The following CCDC178 variants were observed in gnomAD, a reference collection of about 807,000 sequenced individuals.
CCDC178 encodes coiled-coil domain-containing protein 178.
A neutral mutation model predicts 117.4 loss-of-function variants in CCDC178; 126 were observed. The ratio of observed to expected loss-of-function variants is 1.07; its 90% CI spans 0.93 to 1.24. CCDC178 has a LOEUF of 1.24. Ranked by LOEUF, CCDC178 falls within the 50% of genes most tolerant of loss-of-function variation. The pLI, the probability that CCDC178 is intolerant of heterozygous loss-of-function variation, is 0.00. For missense variants in CCDC178, 1,030 were observed against 986.9 expected (o/e 1.04, Z -0.59); for synonymous variants, 283 against 313.4 (o/e 0.90, Z 1.02).
intron 21 of CCDC178, among the ~76,000 whole-genome samples, chr18:33,044,517 A>G (rs1256949437): frequency 2.6e-5 from 4 of 151,180 alleles, no homozygotes; most frequent in African/African-American, 9.8e-5. Flanking sequence ...AAAAACAAAC[A>G]AACAAAAAAA....
At chr18:33,182,133 G>T (rs2058739212) in intron 20 of CCDC178, among the ~76,000 whole-genome samples, 1 of 151,766 alleles carries the variant, frequency 6.6e-6, no homozygotes, top group Non-Finnish European at 1.5e-5. Context: ...GTTTTATCAT[G>T]GAATATATCA....
intron 21 of CCDC178, among the ~76,000 whole-genome samples, chr18:33,077,644 A>G (rs2057232716): frequency 6.6e-6 from 1 of 152,220 alleles, no homozygotes; most frequent in Non-Finnish European, 1.5e-5. Context: ...AGAAACTACT[A>G]CAAATACCTC....
In CCDC178 at chr18:33,199,648, T is replaced by C. The variant is rs922491678; in HGVS notation, c.2238+12248A>G. 2.6e-5 allele frequency among the ~76,000 whole-genome samples: 4 copies of C among 152,318 alleles called. No homozygotes were observed. The South Asian group carries it at 8.3e-4, about 32-fold the overall frequency. ...TTTTAATTACAACCTCTGAGTCTTT[T>C]GTTGCCGCTATTCTTACTCCCTTTT... On this transcript the variant is annotated intron_variant, in intron 20 of 22. Coordinates refer to ENST00000383096, the MANE Select transcript of CCDC178 (RefSeq NM_001105528.4).
chr18:33,128,667 T>G (rs1214041320), intron 20 of CCDC178, among the ~76,000 whole-genome samples: 1 of 152,206 alleles, frequency 6.6e-6, no homozygotes, highest in Non-Finnish European at 1.5e-5. Context: ...GAGATGTCCA[T>G]GACTGTGATT....
intron 20 of CCDC178, among the ~76,000 whole-genome samples, chr18:33,120,920 G>A (rs375619059): frequency 6.6e-6 from 1 of 152,092 alleles, no homozygotes; most frequent in African/African-American, 2.4e-5. Flanking sequence ...GTTTTTGGTT[G>A]TATGTAGAAT....
At chr18:33,433,105 T>C (rs1276019478) in intron 2 of CCDC178, among the ~76,000 whole-genome samples, 3 of 152,104 alleles carry the variant, frequency 2.0e-5, no homozygotes, top group Non-Finnish European at 4.4e-5. Flanking sequence ...CCTTGTAGGG[T>C]TTAAAGTTTG....
intron 22 of CCDC178, among the ~76,000 whole-genome samples, chr18:32,964,284 T>C (rs1185544954): frequency 6.6e-6 from 1 of 152,016 alleles, no homozygotes; most frequent in African/African-American, 2.4e-5. Flanking sequence ...TTTGTTTTCT[T>C]TTTTTTGTTT....
chr18:33,049,959 T>C (rs945901062), intron 21 of CCDC178, among the ~76,000 whole-genome samples: 1 of 152,006 alleles, frequency 6.6e-6, no homozygotes, highest in Non-Finnish European at 1.5e-5. Context: ...CAGGCGCCTG[T>C]AATCCCAGCT....
At chr18:33,073,601 G>T (rs2057152631) in intron 21 of CCDC178, among the ~76,000 whole-genome samples, 2 of 151,114 alleles carry the variant, frequency 1.3e-5, no homozygotes, top group Admixed American at 1.3e-4. Context: ...TAAATTTCTA[G>T]ATGTAGGAAT....
At chr18:33,402,312 T>C (rs2144865178) in intron 3 of CCDC178, among the ~76,000 whole-genome samples, 1 of 152,346 alleles carries the variant, frequency 6.6e-6, no homozygotes, top group East Asian at 1.9e-4. Context: ...TGTGAACAAC[T>C]ATTCAAGAAA....
intron 6 of CCDC178, among the ~76,000 whole-genome samples, chr18:33,365,367 C>T (rs867805685): frequency 1.1e-4 from 16 of 152,148 alleles, no homozygotes; most frequent in Middle Eastern, 3.4e-3. Flanking sequence ...GTCAAGGACA[C>T]GATGTCATGG....
At chr18:33,038,913 A>G (rs945108804) in intron 21 of CCDC178, among the ~76,000 whole-genome samples, 2 of 152,050 alleles carry the variant, frequency 1.3e-5, no homozygotes, top group African/African-American at 2.4e-5. Flanking sequence ...CAATGTTCTC[A>G]CAATCAAGAA....
intron 21 of CCDC178, among the ~76,000 whole-genome samples, chr18:33,026,353 G>C (rs1050149953): frequency 1.3e-5 from 2 of 151,976 alleles, no homozygotes; most frequent in Non-Finnish European, 2.9e-5. Flanking sequence ...TTACCATTAG[G>C]GGAAAGTGAG....
At chr18:33,036,009 G>T (rs1864331514) in intron 21 of CCDC178, among the ~76,000 whole-genome samples, 1 of 151,854 alleles carries the variant, frequency 6.6e-6, no homozygotes, top group African/African-American at 2.4e-5. Context: ...ACATTCCACA[G>T]AGAGCTATTT....
At chr18:33,204,887 C>CA (rs1232944371) in intron 20 of CCDC178, among the ~76,000 whole-genome samples, 1 of 151,842 alleles carries the variant, frequency 6.6e-6, no homozygotes, top group Admixed American at 6.6e-5. Flanking sequence ...AAAACAATAA[C>CA]AGCATGTTAA....
At chr18:32,982,404 A>T (rs1460005281) in intron 21 of CCDC178, among the ~76,000 whole-genome samples, 1 of 152,174 alleles carries the variant, frequency 6.6e-6, no homozygotes, top group Non-Finnish European at 1.5e-5. Context: ...GTCAATACTG[A>T]AAACAAAAAG....
intron 21 of CCDC178, among the ~76,000 whole-genome samples, chr18:33,087,039 C>T (rs1466867739): frequency 2.0e-5 from 3 of 150,620 alleles, no homozygotes; most frequent in Non-Finnish European, 4.4e-5. Flanking sequence ...GGTTGACACA[C>T]ACACACACAC....
At chr18:33,383,352 G>A (rs1399412581) in intron 5 of CCDC178, among the ~76,000 whole-genome samples, 1 of 152,012 alleles carries the variant, frequency 6.6e-6, no homozygotes, top group Non-Finnish European at 1.5e-5. Context: ...CCAACATAAT[G>A]CACCAGCTCC....
At chr18:33,278,408 C>T (rs1037877720) in intron 12 of CCDC178, among the ~76,000 whole-genome samples, 26 of 151,278 alleles carry the variant, frequency 1.7e-4, no homozygotes, top group African/African-American at 6.3e-4. Context: ...AGGAGTAACA[C>T]CCTTAAATTT....
Sources: gnomAD v4.1 joint callset for allele counts (sites outside exome capture counted in the v4.1 genomes callset) on GRCh38, gnomAD v4.1.1 for gene constraint, MANE v1.5 for transcripts, NCBI Gene and HGNC (gene_info 2026-07-23, HGNC 2026-07-21) for gene names.